Variants in ABR observed in about 807,000 individuals in gnomAD.
ABR encodes the protein active breakpoint cluster region-related protein.
Under a neutral mutation model 107.2 loss-of-function variants are expected in ABR, and 35 were observed. The observed-to-expected ratio is 0.33, with a 90% CI of 0.25 to 0.43. The LOEUF (loss-of-function observed/expected upper bound fraction) is 0.43. Among genes scored for constraint, ABR ranks in the 20% least tolerant of loss-of-function variants. The pLI, the probability that ABR is intolerant of heterozygous loss-of-function variation, is 1.00. For missense variants in ABR, 815 were observed against 1,115.2 expected, an observed-to-expected ratio of 0.73 and a Z score of 3.83; for synonymous variants, 498 against 462.0, an observed-to-expected ratio of 1.08 and a Z score of -1.00.
chr17:1,031,538 C>T (rs2072756131), intron 16 of ABR: 1 of 465,408 alleles, frequency 2.1e-6, no homozygotes, highest in Non-Finnish European at 3.3e-6. Flanking sequence ...CCCGCAGCCC[C>T]CCGAGCCCCG....
intron 16 of ABR, chr17:1,031,704 T>C: frequency 8.0e-7 from 1 of 1,250,272 alleles, no homozygotes. Flanking sequence ...GCGCCCCGCC[T>C]TCGGGCTGCA....
intron 1 of ABR, among the ~76,000 whole-genome samples, chr17:1,219,443 G>A (rs2043075437): frequency 2.0e-5 from 3 of 151,406 alleles, no homozygotes; most frequent in African/African-American, 4.9e-5. Context: ...CATCCTGTAA[G>A]GCTGATCATT....
intron 14 of ABR, among the ~76,000 whole-genome samples, chr17:1,053,565 C>A (rs1362613068): frequency 1.3e-5 from 2 of 152,146 alleles, no homozygotes; most frequent in Admixed American, 1.3e-4. Flanking sequence ...AGTCATGGTG[C>A]CTACACCCTG....
chr17:1,092,904 C>CACTGCAAGCT lies in ABR; in HGVS notation c.346-1055_346-1054insAGCTTGCAGT, dbSNP rs1555572357. Among the ~76,000 whole-genome samples, 4 of 145,448 alleles carry CACTGCAAGCT rather than the reference C, an allele frequency of 2.8e-5. No individual in the cohort carries two copies. Among genetic ancestry groups the CACTGCAAGCT allele is most frequent in the East Asian group, 4.3e-4 (2 of 4,696 alleles). On this transcript the variant is annotated intron_variant, in intron 3 of 22. Coordinates refer to ENST00000302538, the MANE Select transcript of ABR (RefSeq NM_021962.5). This position sits in a 1 kb window ranked among gnomAD's most constrained non-coding sequence, Gnocchi z 4.6. ...GGAGTGCAGTGGTGCGATCTCGGCT[C>CACTGCAAGCT]CGCCTCCCGGGTTCACGCCATTCTC... is the stretch of plus-strand genomic sequence containing the variant.
At chr17:1,207,481 C>G (rs2042810877) in intron 1 of ABR, among the ~76,000 whole-genome samples, 1 of 151,772 alleles carries the variant, frequency 6.6e-6, no homozygotes, top group Admixed American at 6.6e-5. Context: ...GAAACCCCAT[C>G]TCTGCTAAAA....
At chr17:1,218,464 G>A (rs1490361849) in intron 1 of ABR, among the ~76,000 whole-genome samples, 2 of 152,174 alleles carry the variant, frequency 1.3e-5, no homozygotes, top group Non-Finnish European at 2.9e-5. Context: ...AACAGTTAGT[G>A]GTGAGCTGGA....
chr17:1,050,414 C>A lies in ABR; in HGVS notation c.1659+123G>T, dbSNP rs1170077118. ...ACACCGCGATCAGAAGCCAGAGGAG[C>A]AGGGAGCAGAAAGGGGGGTGCAGAC... On this transcript the variant is annotated intron_variant, in intron 15 of 22. Transcript: ENST00000302538. The surrounding 1 kb of genome is among the most constrained non-coding windows in gnomAD (Gnocchi z 4.6). 4 of 1,035,408 alleles carry A rather than the reference C, an allele frequency of 3.9e-6. No homozygotes were observed. The African/African-American group carries it at 4.7e-5, about 12-fold the overall frequency. The allele number at this position is 1,035,408 out of a possible 1,614,324, so 64.1% of individuals were successfully genotyped here.
chr17:1,109,155 G>T (rs1275598054), intron 2 of ABR: 12 of 1,429,886 alleles, frequency 8.4e-6, no homozygotes, highest in Middle Eastern at 2.5e-4. Flanking sequence ...GCGGGCGGGA[G>T]GGGGGGCAGG....
intron 2 of ABR, among the ~76,000 whole-genome samples, chr17:1,113,591 G>A (rs1461156936): frequency 1.3e-5 from 2 of 151,990 alleles, no homozygotes; most frequent in African/African-American, 4.8e-5. Flanking sequence ...CTGGCCCACT[G>A]CTTATTTTTA....
rs193089969 is a variant in ABR, at chr17:1,070,983, C to A, written c.895-893G>T. 1.1e-4 allele frequency among the ~76,000 whole-genome samples: 16 copies of A among 152,122 alleles called. No homozygotes were observed. The East Asian group carries it at 3.1e-3, about 29-fold the overall frequency. On this transcript the variant is annotated intron_variant, in intron 8 of 22. Transcript: ENST00000302538. This position sits in a 1 kb window ranked among gnomAD's most constrained non-coding sequence, Gnocchi z 4.2. ...TTTGAGACCAGCCTGGCCAACGTGG[C>A]GAAACCCCGTCTCTACTAAAAATAC...
chr17:1,222,697 AG>A (rs1243485682), intron 1 of ABR, among the ~76,000 whole-genome samples: 1 of 152,156 alleles, frequency 6.6e-6, no homozygotes, highest in African/African-American at 2.4e-5. Flanking sequence ...GGATCACTTG[AG>A]CCCGGGAGTT....
At chr17:1,181,407 C>T (rs1447612922), upstream of ABR, among the ~76,000 whole-genome samples, 6 of 150,784 alleles carry the variant, frequency 4.0e-5, no homozygotes, top group Admixed American at 6.6e-5. Context: ...GTGGCTGCAG[C>T]AGAAGTGGTT....
At chr17:1,197,236 C>T (rs2042587759) in intron 1 of ABR, among the ~76,000 whole-genome samples, 1 of 151,736 alleles carries the variant, frequency 6.6e-6, no homozygotes, top group Non-Finnish European at 1.5e-5. Flanking sequence ...CTCTGGGAAA[C>T]AGGCCGTGAT....
At chr17:1,214,137 G>A (rs954605932) in intron 1 of ABR, among the ~76,000 whole-genome samples, 4 of 152,016 alleles carry the variant, frequency 2.6e-5, no homozygotes, top group African/African-American at 7.2e-5. Flanking sequence ...CACCCGCCTC[G>A]GGCTCCCAAA....
intron 16 of ABR, among the ~76,000 whole-genome samples, chr17:1,028,131 C>CA (rs2072370224): frequency 6.6e-6 from 1 of 152,144 alleles, no homozygotes; most frequent in African/African-American, 2.4e-5. Flanking sequence ...CGCTCTGTTG[C>CA]CCAGGCTGGA....
intron 1 of ABR, among the ~76,000 whole-genome samples, chr17:1,177,211 T>C (rs2041946638): frequency 6.6e-6 from 1 of 152,186 alleles, no homozygotes; most frequent in Non-Finnish European, 1.5e-5. Context: ...CGGGTATTTG[T>C]TTTAATTTAG....
intron 13 of ABR, among the ~76,000 whole-genome samples, chr17:1,056,562 G>T (rs1376520727): frequency 6.6e-6 from 1 of 152,058 alleles, no homozygotes; most frequent in East Asian, 1.9e-4. Flanking sequence ...TCAGTTCCCA[G>T]CCCTGATCAC....
chr17:1,210,054 A>T lies in ABR; in HGVS notation c.838+18739T>A, dbSNP rs1468918884. ...TAAAAAAAGAAAACACATATCTTTCATGGCAAAGACACCTAAATTAGTAAA... is the reference window on the plus strand; with the variant it reads ...TAAAAAAAGAAAACACATATCTTTCTTGGCAAAGACACCTAAATTAGTAAA... On this transcript the variant is annotated intron_variant, in intron 1 of 22. Coordinates refer to the ABR transcript ENST00000574139. The surrounding 1 kb of genome is among the most constrained non-coding windows in gnomAD (Gnocchi z 5.6). 1.3e-5 allele frequency among the ~76,000 whole-genome samples: 2 copies of T among 152,250 alleles called. No individual in the cohort carries two copies. Among genetic ancestry groups the T allele is most frequent in the Non-Finnish European group, 2.9e-5 (2 of 68,050 alleles).
At position 1,079,578 on chromosome 17, in the gene ABR, C is replaced by T. The variant is rs1473573478; in HGVS notation, c.640-188G>A. Among the ~76,000 whole-genome samples, 6 of 152,014 alleles carry T rather than the reference C, an allele frequency of 3.9e-5. No homozygotes were observed. The South Asian group carries it at 6.2e-4, about 16-fold the overall frequency. On this transcript the variant is annotated intron_variant, in intron 5 of 22. Coordinates refer to ENST00000302538, the MANE Select transcript of ABR (RefSeq NM_021962.5). The stretch of plus-strand genomic sequence containing the variant: ...CCGTGGTGGGCGGATCACCTGAGGT[C>T]GGAAGTTCGAGACCAGCCTGGTCAA...
Sources: allele counts gnomAD v4.1 joint callset (sites outside exome capture counted in the v4.1 genomes callset), GRCh38; gene constraint gnomAD v4.1.1; non-coding constraint Gnocchi (gnomAD v3.1); transcripts MANE v1.5; gene names NCBI Gene and HGNC (gene_info 2026-07-23, HGNC 2026-07-21).